Variants in PARD3 observed in about 807,000 individuals in gnomAD.
The protein encoded by PARD3 is par-3 family cell polarity regulator, also known as partitioning defective 3 homolog.
PARD3 carries 75 observed loss-of-function variants against 155.4 expected under a neutral mutation model. That is an observed-to-expected ratio of 0.48 (90% CI 0.40 to 0.58). The LOEUF is 0.58. Ranked by LOEUF, PARD3 falls within the 20% of genes least tolerant of loss-of-function variation. The pLI is 0.00. For synonymous variants in PARD3, 576 were observed against 610.5 expected, an observed-to-expected ratio of 0.94 and a Z score of 0.83; for missense variants, 1,642 against 1,721.7, an observed-to-expected ratio of 0.95 and a Z score of 0.82.
intron 3 of PARD3, among the ~76,000 whole-genome samples, chr10:34,482,178 G>A (rs566521900): frequency 1.7e-3 from 252 of 151,302 alleles, no homozygotes; most frequent in African/African-American, 5.2e-3. Flanking sequence ...GGACCCACAG[G>A]TGCCCCCCAC....
chr10:34,259,409 G>A (rs1211369309), intron 22 of PARD3, among the ~76,000 whole-genome samples: 1 of 152,110 alleles, frequency 6.6e-6, no homozygotes, highest in African/African-American at 2.4e-5. Flanking sequence ...TCCAGCTACT[G>A]GAAGCCACCT....
intron 23 of PARD3, among the ~76,000 whole-genome samples, chr10:34,127,905 T>C (rs1947372562): frequency 1.3e-5 from 2 of 152,200 alleles, no homozygotes; most frequent in African/African-American, 4.8e-5. Context: ...TTGAGTCAAT[T>C]ATGCCAAACA....
chr10:34,436,081 T>A (rs12244045), intron 5 of PARD3, among the ~76,000 whole-genome samples: 3,892 of 152,272 alleles, frequency 0.026, 164 homozygotes, highest in African/African-American at 0.088. Context: ...AAATTTAGAA[T>A]ATGAAAAGAA....
At chr10:34,718,737 C>T (rs547624536) in intron 1 of PARD3, among the ~76,000 whole-genome samples, 10 of 152,082 alleles carry the variant, frequency 6.6e-5, no homozygotes, top group South Asian at 6.2e-4. Context: ...CCGAGGTAGG[C>T]GGATCACCTG....
chr10:34,562,738 T>G (rs2085602707), intron 2 of PARD3, among the ~76,000 whole-genome samples: 1 of 152,096 alleles, frequency 6.6e-6, no homozygotes, highest in South Asian at 2.1e-4. Context: ...CCTTTTTAAC[T>G]TATTAAAACT....
intron 21 of PARD3, among the ~76,000 whole-genome samples, chr10:34,280,815 A>C (rs906039439): frequency 2.0e-5 from 3 of 152,154 alleles, no homozygotes; most frequent in Non-Finnish European, 4.4e-5. Flanking sequence ...AGAATAAATA[A>C]GTTTGGAGAA....
At chr10:34,346,481 T>A (rs774005181) in intron 15 of PARD3, 34 of 1,345,374 alleles carry the variant, frequency 2.5e-5, no homozygotes, top group South Asian at 1.9e-4. Context: ...AGCATATCAC[T>A]TTGTGTGCAC....
chr10:34,504,757 T>C (rs1252841380), intron 3 of PARD3, among the ~76,000 whole-genome samples: 1 of 152,102 alleles, frequency 6.6e-6, no homozygotes, highest in Non-Finnish European at 1.5e-5. Context: ...AATTCTGAGA[T>C]ATGAGGCACC....
chr10:34,498,791 A>C (rs977694406), intron 3 of PARD3, among the ~76,000 whole-genome samples: 14 of 152,320 alleles, frequency 9.2e-5, no homozygotes, highest in African/African-American at 3.4e-4. Context: ...AGAAATAAAA[A>C]ATAAACAAAA....
At chr10:34,123,008 T>A (rs936461235) in intron 23 of PARD3, among the ~76,000 whole-genome samples, 2 of 152,222 alleles carry the variant, frequency 1.3e-5, no homozygotes, top group Non-Finnish European at 1.5e-5. Context: ...AACACCCACA[T>A]AGGGAAATAC....
intron 22 of PARD3, among the ~76,000 whole-genome samples, chr10:34,200,515 C>T (rs1564476607): frequency 6.6e-6 from 1 of 151,694 alleles, no homozygotes; most frequent in Non-Finnish European, 1.5e-5. Context: ...CTTGCCTCAT[C>T]TCTAGTTAAG....
At chr10:34,518,367 T>C (rs142908159) in intron 2 of PARD3, among the ~76,000 whole-genome samples, 2,755 of 152,260 alleles carry the variant, frequency 0.018, 50 homozygotes, top group Non-Finnish European at 0.023. Flanking sequence ...TCTAATACCA[T>C]TCTCCAGTTA....
chr10:34,241,965 AT>A (rs1412814766), intron 22 of PARD3, among the ~76,000 whole-genome samples: 1 of 152,092 alleles, frequency 6.6e-6, no homozygotes, highest in Non-Finnish European at 1.5e-5. Flanking sequence ...TAAAAAAAAA[AT>A]CTCTTCTCAT....
intron 5 of PARD3, among the ~76,000 whole-genome samples, chr10:34,435,307 T>C (rs2076134989): frequency 6.6e-6 from 1 of 152,144 alleles, no homozygotes; most frequent in Non-Finnish European, 1.5e-5. Flanking sequence ...TTTGGAAACA[T>C]CAAGAACAAT....
rs1175024403 is a variant in PARD3 at position 34,355,961 on chromosome 10, AC to A, written c.2067+3185del. 5.5e-4 allele frequency among the ~76,000 whole-genome samples: 77 copies of A among 140,230 alleles called. 2 individuals carry two copies. The highest frequency in any genetic ancestry group is 1.8e-3 in the African/African-American group (59 of 32,216). 92.0% of individuals were successfully genotyped at this position (140,230 alleles called of 152,430 possible). On this transcript the variant is annotated intron_variant, in intron 14 of 24. Coordinates refer to ENST00000374788, the MANE Select transcript of PARD3 (RefSeq NM_001184785.2). ...AAAAAAAAAAACAAAACAAAACCAA[AC>A]AAAAAAACAGACAACAGACCCAGAG... is the stretch of plus-strand genomic sequence containing the variant.
At chr10:34,318,762 T>G (rs1564579738) in intron 19 of PARD3, among the ~76,000 whole-genome samples, 1 of 151,984 alleles carries the variant, frequency 6.6e-6, no homozygotes, top group Non-Finnish European at 1.5e-5. Flanking sequence ...GCTCAGAATT[T>G]TTTTATTTTT....
At chr10:34,719,231 T>A (rs12781515) in intron 1 of PARD3, among the ~76,000 whole-genome samples, 42,245 of 152,168 alleles carry the variant, frequency 0.28, 7,206 homozygotes, top group Non-Finnish European at 0.38. Flanking sequence ...GTGACGTTTG[T>A]TCTAAACAAC....
intron 1 of PARD3, among the ~76,000 whole-genome samples, chr10:34,725,105 T>TTGTGTGTGTGTGTGTG (rs71033342): frequency 8.8e-5 from 12 of 135,784 alleles, no homozygotes; most frequent in Non-Finnish European, 1.7e-4. Context: ...AGTCAAAACT[T>TTGTGTGTGTGTGTGTG]TGTGTGTGTG....
intron 20 of PARD3, among the ~76,000 whole-genome samples, chr10:34,297,209 G>A (rs918369031): frequency 2.0e-5 from 3 of 152,068 alleles, no homozygotes; most frequent in African/African-American, 7.2e-5. Context: ...AGGCTTAGGT[G>A]GGAAGATTGC....
Sources: allele counts gnomAD v4.1 joint callset (sites outside exome capture counted in the v4.1 genomes callset), GRCh38; gene constraint gnomAD v4.1.1; transcripts MANE v1.5; gene names NCBI Gene and HGNC (gene_info 2026-07-23, HGNC 2026-07-21).